Variants in FAM78B observed in about 807,000 individuals in gnomAD.
FAM78B encodes the protein family with sequence similarity 78 member B.
FAM78B carries 10 observed loss-of-function variants against 20.0 expected under a neutral mutation model. That is an observed-to-expected ratio of 0.50 (90% confidence interval 0.31 to 0.85). The LOEUF (loss-of-function observed/expected upper bound fraction) is 0.85, where lower values mean the gene tolerates loss of function less well. Among genes scored for constraint, FAM78B ranks in the 40% least tolerant of loss-of-function variants. The pLI is 0.05. For missense variants in FAM78B, 283 were observed against 345.0 expected (o/e 0.82, Z 1.42); for synonymous variants, 135 against 132.8 (o/e 1.02, Z -0.12).
At chr1:166,113,990 A>G (rs1056011191) in intron 1 of FAM78B, among the ~76,000 whole-genome samples, 1 of 152,180 alleles carries the variant, frequency 6.6e-6, no homozygotes, top group Non-Finnish European at 1.5e-5. Context: ...TGCCCACCAC[A>G]TTAGGGCCCA....
intron 1 of FAM78B, among the ~76,000 whole-genome samples, chr1:166,109,225 CCA>C (rs1333616660): frequency 3.3e-5 from 5 of 152,070 alleles, no homozygotes; most frequent in African/African-American, 1.2e-4. Flanking sequence ...AACAGACAAC[CCA>C]CAGAGTGGAG....
At chr1:166,132,186 A>G (rs569371022) in intron 1 of FAM78B, among the ~76,000 whole-genome samples, 1 of 152,354 alleles carries the variant, frequency 6.6e-6, no homozygotes, top group South Asian at 2.1e-4. Flanking sequence ...TATCATTACT[A>G]TTGTGTAACA....
intron 2 of FAM78B, among the ~76,000 whole-genome samples, chr1:166,062,930 C>T (rs1159664163): frequency 6.6e-6 from 1 of 152,218 alleles, no homozygotes; most frequent in Admixed American, 6.5e-5. Flanking sequence ...TCTTTCATCC[C>T]CAGTGTCTGT....
rs1305897167 is a variant in FAM78B at position 166,109,812 on chromosome 1, ATG to A, written c.264-39051_264-39050del. ...AAGAAACTGTGATATATATGTATAT[ATG>A]TATATATATATATATATGTATATAT... On this transcript the variant is annotated intron_variant, in intron 1 of 1. Transcript: ENST00000354422. Among the ~76,000 whole-genome samples the A allele has an allele frequency of 4.2e-4, 14 of 33,070 alleles. 1 individual carries two copies. Among genetic ancestry groups the A allele is most frequent in the East Asian group, 1.7e-3 (1 of 578 alleles). The allele number at this position is 33,070 out of a possible 152,430, so 21.7% of individuals were successfully genotyped here.
chr1:166,082,991 G>T (rs1652641824), intron 1 of FAM78B, among the ~76,000 whole-genome samples: 1 of 152,178 alleles, frequency 6.6e-6, no homozygotes, highest in African/African-American at 2.4e-5. Flanking sequence ...GGGCATGGGG[G>T]TGCAACACAC....
Position 166,070,112 on chromosome 1 carries a change from G to A in FAM78B, c.*129C>T. On this transcript the variant is annotated 3_prime_UTR_variant, in exon 2 of 2. Coordinates refer to ENST00000354422, the MANE Select transcript of FAM78B (RefSeq NM_001017961.5). ...AGGAGCAGCCCTACTCTTCAAAAGT[G>A]GCTGCAAAGGCTGGCAAACCGAGAG... 1 of 1,395,688 alleles carries A rather than the reference G, an allele frequency of 7.2e-7. No homozygotes were observed. The highest frequency in any genetic ancestry group is 9.3e-7 in the Non-Finnish European group (1 of 1,069,874). 86.5% of individuals were successfully genotyped at this position (1,395,688 alleles called of 1,614,324 possible).
At chr1:166,144,655 G>C (rs974077905) in intron 1 of FAM78B, among the ~76,000 whole-genome samples, 5 of 152,126 alleles carry the variant, frequency 3.3e-5, no homozygotes, top group Non-Finnish European at 7.4e-5. Context: ...GCTCTTGACA[G>C]ACAGGGAGTG....
chr1:166,142,444 G>T (rs1655314747), intron 1 of FAM78B, among the ~76,000 whole-genome samples: 1 of 152,202 alleles, frequency 6.6e-6, no homozygotes, highest in Non-Finnish European at 1.5e-5. Context: ...TGGTGCATTA[G>T]CACCAGCACT....
chr1:166,119,440 C>A (rs370162428), intron 1 of FAM78B, among the ~76,000 whole-genome samples: 1 of 152,208 alleles, frequency 6.6e-6, no homozygotes, highest in African/African-American at 2.4e-5. Context: ...CCCACAATCA[C>A]ATTTAAAGAA....
At chr1:166,140,954 T>C (rs978467006) in intron 1 of FAM78B, among the ~76,000 whole-genome samples, 2 of 152,222 alleles carry the variant, frequency 1.3e-5, no homozygotes, top group East Asian at 1.9e-4. Context: ...TTGGAGTTCA[T>C]AGCCAGCAAA....
intron 1 of FAM78B, among the ~76,000 whole-genome samples, chr1:166,121,247 G>C (rs1385144255): frequency 6.6e-6 from 1 of 152,124 alleles, no homozygotes; most frequent in Admixed American, 6.5e-5. Flanking sequence ...TATGGTCCTG[G>C]GGACTTCAGC....
chr1:166,157,840 C>T (rs1464808114), intron 1 of FAM78B, among the ~76,000 whole-genome samples: 1 of 152,160 alleles, frequency 6.6e-6, no homozygotes, highest in Non-Finnish European at 1.5e-5. Flanking sequence ...ACAGCCCAGA[C>T]CAACCAGCTT....
At chr1:166,115,700 G>A (rs147734868) in intron 1 of FAM78B, among the ~76,000 whole-genome samples, 1,648 of 152,310 alleles carry the variant, frequency 0.011, 9 homozygotes, top group Non-Finnish European at 0.017. Flanking sequence ...GTGCTGAAAG[G>A]CATTTGGAGC....
At chr1:166,094,003 C>CTGTGTG (rs58213930) in intron 1 of FAM78B, among the ~76,000 whole-genome samples, 3,390 of 125,372 alleles carry the variant, frequency 0.027, 102 homozygotes, top group African/African-American at 0.072. Context: ...TTGCGAATGA[C>CTGTGTG]TGTGTGTGTG....
exon 3 of FAM78B, chr1:166,059,723 G>A (rs1460082137): frequency 2.0e-5 from 3 of 152,168 alleles, no homozygotes; most frequent in Admixed American, 6.5e-5. Flanking sequence ...TGATTTGTGT[G>A]ACTTTACAGC....
chr1:166,083,203 A>G (rs1039648015), intron 1 of FAM78B, among the ~76,000 whole-genome samples: 4 of 152,246 alleles, frequency 2.6e-5, no homozygotes, highest in Admixed American at 2.6e-4. Context: ...GTGCTTATCT[A>G]TAGTTGTGGG....
intron 1 of FAM78B, among the ~76,000 whole-genome samples, chr1:166,103,849 T>C (rs1653649407): frequency 6.6e-6 from 1 of 152,166 alleles, no homozygotes; most frequent in Non-Finnish European, 1.5e-5. Context: ...CTTAACTCAT[T>C]TTATGAGGCC....
intron 1 of FAM78B, among the ~76,000 whole-genome samples, chr1:166,144,569 C>A (rs1294576611): frequency 6.6e-6 from 1 of 151,934 alleles, no homozygotes; most frequent in Non-Finnish European, 1.5e-5. Flanking sequence ...CATGATGGAG[C>A]AGGAAGGATC....
At chr1:166,091,036 C>A (rs1002314742) in intron 1 of FAM78B, among the ~76,000 whole-genome samples, 3 of 152,238 alleles carry the variant, frequency 2.0e-5, no homozygotes, top group Middle Eastern at 3.4e-3. Context: ...AGGATTTGAA[C>A]GTAGGCTGAC....
Sources: allele counts gnomAD v4.1 joint callset (sites outside exome capture counted in the v4.1 genomes callset), GRCh38; gene constraint gnomAD v4.1.1; transcripts MANE v1.5; gene names NCBI Gene and HGNC (gene_info 2026-07-23, HGNC 2026-07-21).